TMEM232: variants seen among roughly 807,000 people sequenced by gnomAD.
TMEM232 encodes transmembrane protein 232.
Under a neutral mutation model 78.8 loss-of-function variants are expected in TMEM232, and 80 were observed. That is an observed-to-expected ratio of 1.01 (90% CI 0.85 to 1.22). The LOEUF is 1.22. Ranked by LOEUF, TMEM232 falls within the 50% of genes most tolerant of loss-of-function variation. The pLI is 0.00. For synonymous variants in TMEM232, 297 were observed against 254.3 expected (o/e 1.17, Z -1.60); for missense variants, 881 against 742.2 (o/e 1.19, Z -2.17).
intron 1 of TMEM232, among the ~76,000 whole-genome samples, chr5:110,686,115 T>C (rs1793367430): frequency 6.6e-6 from 1 of 152,058 alleles, no homozygotes. Flanking sequence ...TACTGTATGT[T>C]GTGCAATGTG....
chr5:110,532,238 C>T (rs1036547564), intron 11 of TMEM232, among the ~76,000 whole-genome samples: 1 of 151,986 alleles, frequency 6.6e-6, no homozygotes, highest in African/African-American at 2.4e-5. Context: ...GCAGCCACTC[C>T]CAGAGCCCCT....
intron 12 of TMEM232, among the ~76,000 whole-genome samples, chr5:110,491,877 G>C (rs943112073): frequency 1.3e-5 from 2 of 151,688 alleles, no homozygotes; most frequent in African/African-American, 4.8e-5. Context: ...AAAAGTAATA[G>C]AGATTAAAAT....
At chr5:110,499,635 C>CACA (rs1554091659) in intron 12 of TMEM232, among the ~76,000 whole-genome samples, 2,859 of 143,600 alleles carry the variant, frequency 0.02, 171 homozygotes, top group African/African-American at 0.078. Flanking sequence ...ACACCCCCCC[C>CACA]CACACACACA....
At chr5:110,593,054 G>T (rs1289987036) in intron 10 of TMEM232, among the ~76,000 whole-genome samples, 1 of 152,092 alleles carries the variant, frequency 6.6e-6, no homozygotes, top group East Asian at 1.9e-4. Flanking sequence ...AAACAAGTGT[G>T]TTTATTCAAA....
chr5:110,474,073 T>A (rs79267669), intron 12 of TMEM232, among the ~76,000 whole-genome samples: 2 of 151,596 alleles, frequency 1.3e-5, no homozygotes, highest in African/African-American at 4.8e-5. Flanking sequence ...TGGTGTTCCA[T>A]TGCACAATAT....
At chr5:110,497,111 A>G (rs1210701273) in intron 12 of TMEM232, among the ~76,000 whole-genome samples, 1 of 152,008 alleles carries the variant, frequency 6.6e-6, no homozygotes, top group Admixed American at 6.6e-5. Context: ...CTCCAAATCA[A>G]TAAACGTTCC....
intron 1 of TMEM232, among the ~76,000 whole-genome samples, chr5:110,722,531 A>G (rs1406472259): frequency 6.6e-6 from 1 of 152,132 alleles, no homozygotes; most frequent in Non-Finnish European, 1.5e-5. Flanking sequence ...GTTCCTCTTC[A>G]TGTGGACGTC....
intron 2 of TMEM232, among the ~76,000 whole-genome samples, chr5:110,649,660 T>G (rs1050606701): frequency 4.6e-5 from 7 of 152,152 alleles, no homozygotes; most frequent in African/African-American, 1.7e-4. Context: ...TATTTCCTTA[T>G]GGTTTAAAGT....
chr5:110,708,635 G>A (rs1044958677), intron 1 of TMEM232, among the ~76,000 whole-genome samples: 1 of 152,076 alleles, frequency 6.6e-6, no homozygotes. Flanking sequence ...ATTTCATTAT[G>A]CAATCAGCAC....
chr5:110,531,792 G>A (rs1041472810), intron 11 of TMEM232, among the ~76,000 whole-genome samples: 4 of 152,136 alleles, frequency 2.6e-5, no homozygotes, highest in South Asian at 2.1e-4. Flanking sequence ...TTCATGGCTC[G>A]TTTGGCAGCA....
chr5:110,504,102 GTTAT>G (rs942897232), intron 12 of TMEM232, among the ~76,000 whole-genome samples: 33 of 152,194 alleles, frequency 2.2e-4, no homozygotes, highest in Admixed American at 1.8e-3. Flanking sequence ...AATGAACATA[GTTAT>G]TTCTCTATTT....
intron 8 of TMEM232, among the ~76,000 whole-genome samples, chr5:110,617,386 T>A (rs1472926946): frequency 1.3e-5 from 2 of 151,548 alleles, no homozygotes; most frequent in African/African-American, 4.9e-5. Flanking sequence ...GTAAAAAAAA[T>A]ATATTTTGAA....
At chr5:110,619,332 T>C (rs1325802756) in intron 7 of TMEM232, among the ~76,000 whole-genome samples, 2 of 152,128 alleles carry the variant, frequency 1.3e-5, no homozygotes, top group Admixed American at 1.3e-4. Flanking sequence ...TTCAAGATAA[T>C]TTTTATGTTG....
downstream of TMEM232, among the ~76,000 whole-genome samples, chr5:110,415,680 G>A (rs72788423): frequency 1.8e-3 from 281 of 152,114 alleles, no homozygotes; most frequent in Middle Eastern, 0.014. Context: ...TTTTGATTGG[G>A]AAGCCAAGCA....
rs1286177897 is a variant in TMEM232, at chr5:110,638,179, G to T, written c.501+19C>A. 17 of 1,516,696 alleles carry T rather than the reference G, an allele frequency of 1.1e-5. No homozygotes were observed. Among genetic ancestry groups the T allele is most frequent in the Non-Finnish European group, 1.5e-5 (17 of 1,126,780 alleles). The allele number at this position is 1,516,696 out of a possible 1,614,324, so 94.0% of individuals were successfully genotyped here. A position where few individuals can be genotyped will look rare whatever the true frequency, so the allele number is the denominator to read the frequency against. Reference sequence around the variant, plus strand: ...TATGTGAAATATTTAAAAACATTAAGAAGTTTTTCAAAACATACCTTTGCT... The same window carrying T: ...TATGTGAAATATTTAAAAACATTAATAAGTTTTTCAAAACATACCTTTGCT... On this transcript the variant is annotated intron_variant, in intron 5 of 13. Coordinates refer to ENST00000455884, the MANE Select transcript of TMEM232 (RefSeq NM_001039763.4).
Position 110,661,068 on chromosome 5 carries a change from G to A in TMEM232, c.125+6160C>T, listed in dbSNP as rs951456842. 2.0e-5 allele frequency among the ~76,000 whole-genome samples: 3 copies of A among 152,056 alleles called. No homozygotes were observed. The East Asian group carries it at 5.8e-4, about 29-fold the overall frequency. On this transcript the variant is annotated intron_variant, in intron 2 of 13. Coordinates refer to ENST00000455884, the MANE Select transcript of TMEM232 (RefSeq NM_001039763.4). ...GATCAATTTATTTTAGCACACACAT[G>A]TGAGTGACAATAGCGGTATTTGTCT...
chr5:110,561,508 TAA>T (rs1387406323), intron 11 of TMEM232, among the ~76,000 whole-genome samples: 9 of 152,056 alleles, frequency 5.9e-5, no homozygotes, highest in Non-Finnish European at 1.3e-4. Flanking sequence ...TTAGCAATCA[TAA>T]GTGTCTTTTT....
chr5:110,491,922 ATCAATAAATT>A (rs1437769993), intron 12 of TMEM232, among the ~76,000 whole-genome samples: 1 of 151,946 alleles, frequency 6.6e-6, no homozygotes, highest in Non-Finnish European at 1.5e-5. Context: ...ACCATTATAT[ATCAATAAATT>A]TCAGTCTAAA....
In TMEM232 at chr5:110,396,973, G is replaced by A. The variant is rs549099183; in HGVS notation, n.390+800C>T. On this transcript the variant is annotated intron_variant and non_coding_transcript_variant, in intron 3 of 8. Coordinates refer to the TMEM232 transcript ENST00000507188. ...TCTGATAACTAGGAAGAGGCTATAGGTTATCTACTCAGACAACTCTTTATC... is the reference window on the plus strand; with the variant it reads ...TCTGATAACTAGGAAGAGGCTATAGATTATCTACTCAGACAACTCTTTATC... Among the ~76,000 whole-genome samples the A allele has an allele frequency of 5.9e-5, 9 of 152,244 alleles. No homozygotes were observed. The East Asian group carries it at 1.4e-3, about 23-fold the overall frequency.
Sources: allele counts gnomAD v4.1 joint callset (sites outside exome capture counted in the v4.1 genomes callset), GRCh38; gene constraint gnomAD v4.1.1; transcripts MANE v1.5; gene names NCBI Gene and HGNC (gene_info 2026-07-23, HGNC 2026-07-21).